The following HAS3 variants were observed in gnomAD, a reference collection of about 807,000 sequenced individuals.
HAS3 encodes hyaluronan synthase 3, also known as HA synthase 3.
HAS3 carries 27 observed loss-of-function variants against 50.3 expected under a neutral mutation model. The ratio of observed to expected loss-of-function variants is 0.54; its 90% CI spans 0.40 to 0.74. The LOEUF (loss-of-function observed/expected upper bound fraction) is 0.74. Ranked by LOEUF, HAS3 falls within the 30% of genes least tolerant of loss-of-function variation. HAS3 has a pLI of 0.00. For missense variants in HAS3, 517 were observed against 742.8 expected (o/e 0.70, Z 3.53); for synonymous variants, 339 against 310.9 (o/e 1.09, Z -0.95).
chr16:69,085,011 G>C, the HAS3 span: 1 of 152,334 alleles, frequency 6.6e-6, no homozygotes, highest in Admixed American at 6.5e-5. Flanking sequence ...AACAAATCTA[G>C]CTAGGTGTGT....
In HAS3 at chr16:69,116,559, TTC is replaced by T; in HGVS notation, c.*1295_*1296del. On this transcript the variant is annotated 3_prime_UTR_variant, in exon 4 of 4. Transcript: ENST00000569188. ...TCTCCTCAGTGGCTTCTCCAGGGAA[TTC>T]TTACAGCCAAGTTGTGACAGTCACT... The T allele has an allele frequency of 4.1e-6, 4 of 985,780 alleles. No individual in the cohort carries two copies. The South Asian group carries it at 1.9e-4, about 46-fold the overall frequency. 61.1% of individuals were successfully genotyped at this position (985,780 alleles called of 1,614,324 possible).
chr16:69,092,453 A>C, the HAS3 span, among the ~76,000 whole-genome samples: 8 of 152,170 alleles, frequency 5.3e-5, no homozygotes, highest in African/African-American at 1.9e-4. Flanking sequence ...AAATGTAAAA[A>C]TTAGCGAGGT....
chr16:69,116,714 G>C lies in HAS3; in HGVS notation c.*1448G>C, dbSNP rs8057513. On this transcript the variant is annotated 3_prime_UTR_variant, in exon 4 of 4. Coordinates refer to ENST00000569188, the MANE Select transcript of HAS3 (RefSeq NM_001199280.2). ...GCTGTTTTCCCTCTGCTGCTTTTGGGGAATGAGGGGAAGCCATTTTCCAGT... is the reference window on the plus strand; with the variant it reads ...GCTGTTTTCCCTCTGCTGCTTTTGGCGAATGAGGGGAAGCCATTTTCCAGT... The C allele has an allele frequency of 0.064, 63,286 of 985,276 alleles. 2,376 individuals are homozygous for C. Among genetic ancestry groups the C allele is most frequent in the African/African-American group, 0.15 (8,712 of 57,270 alleles). 61.0% of individuals were successfully genotyped at this position (985,276 alleles called of 1,614,324 possible).
chr16:69,094,379 A>C, the HAS3 span, among the ~76,000 whole-genome samples: 4 of 152,146 alleles, frequency 2.6e-5, no homozygotes, highest in African/African-American at 9.7e-5. Context: ...ACCACCTTCA[A>C]AACTTCAAAA....
At chr16:69,112,384 G>A (rs1961034910) in intron 2 of HAS3, among the ~76,000 whole-genome samples, 1 of 152,200 alleles carries the variant, frequency 6.6e-6, no homozygotes, top group Admixed American at 6.5e-5. Flanking sequence ...TCAGCCTGGT[G>A]CTGATGCTGT....
rs113375282 is a variant in HAS3 at position 69,108,308 on chromosome 16, T to G, written c.1-1088T>G. ...TTAGGGAAATGACTTACCTGAGACA[T>G]GAGGCAGGAATCCATTAGAACTCCC... On this transcript the variant is annotated intron_variant, in intron 1 of 3. Coordinates refer to ENST00000569188, the MANE Select transcript of HAS3 (RefSeq NM_001199280.2). Among the ~76,000 whole-genome samples, 203 of 152,186 alleles carry G rather than the reference T, an allele frequency of 1.3e-3. No individual in the cohort carries two copies. In the Middle Eastern group the frequency reaches 0.014, roughly 10 times the overall value.
chr16:69,115,316 G>C lies in HAS3; in HGVS notation c.*50G>C. The C allele has an allele frequency of 2.7e-6, 4 of 1,493,478 alleles. No homozygotes were observed. Among genetic ancestry groups the C allele is most frequent in the Non-Finnish European group, 3.6e-6 (4 of 1,125,844 alleles). The allele number at this position is 1,493,478 out of a possible 1,614,324, so 92.5% of individuals were successfully genotyped here. ...AAGTGCAATGGGTAAGGGAGGGAAGGGGAATGGAAGAGAAAAGACAGGGTG... is the reference window on the plus strand; with the variant it reads ...AAGTGCAATGGGTAAGGGAGGGAAGCGGAATGGAAGAGAAAAGACAGGGTG... On this transcript the variant is annotated 3_prime_UTR_variant, in exon 4 of 4. Transcript: ENST00000569188.
At chr16:69,101,699 G>A (rs913579299), upstream of HAS3, among the ~76,000 whole-genome samples, 6 of 152,100 alleles carry the variant, frequency 3.9e-5, no homozygotes, top group Admixed American at 1.3e-4. Context: ...AGCTCACAGA[G>A]ACCTTTCCTG....
In HAS3 at chr16:69,107,893, C is replaced by G. The variant is rs2152255179; in HGVS notation, c.1-1503C>G. Among the ~76,000 whole-genome samples the G allele has an allele frequency of 6.6e-6, 1 of 152,364 alleles. No homozygotes were observed. The highest frequency in any genetic ancestry group is 2.1e-4 in the South Asian group (1 of 4,830). Reference sequence around the variant, plus strand: ...CCCGGAGAGGCTAGGCTGCCAGCAGCTCTTTTCGGGCCAACGCTGCTGGAA... The same window carrying G: ...CCCGGAGAGGCTAGGCTGCCAGCAGGTCTTTTCGGGCCAACGCTGCTGGAA... On this transcript the variant is annotated intron_variant, in intron 1 of 3. Transcript: ENST00000569188. This position sits in a 1 kb window ranked among gnomAD's most constrained non-coding sequence, Gnocchi z 5.5.
At chr16:69,097,231 C>A in the HAS3 span, among the ~76,000 whole-genome samples, 1 of 151,860 alleles carries the variant, frequency 6.6e-6, no homozygotes, top group Non-Finnish European at 1.5e-5. Flanking sequence ...AATCCTAGCA[C>A]TTTGGGAGGC....
the HAS3 span, chr16:69,083,688 C>CA: frequency 6.5e-7 from 1 of 1,543,120 alleles, no homozygotes; most frequent in Non-Finnish European, 8.8e-7. Flanking sequence ...GTGGAGGAGG[C>CA]AGGCAGGGCC....
the HAS3 span, among the ~76,000 whole-genome samples, chr16:69,092,752 CAGG>C: frequency 6.6e-6 from 1 of 152,124 alleles, no homozygotes; most frequent in African/African-American, 2.4e-5. Flanking sequence ...CCTAGCTACT[CAGG>C]AGGTCTTGGC....
At chr16:69,117,906 A>T (rs1222424546), downstream of HAS3, 1 of 173,408 alleles carries the variant, frequency 5.8e-6, no homozygotes, top group East Asian at 1.6e-4. Flanking sequence ...GAGCAAAAGC[A>T]TTTTAGCCGA....
Position 69,115,279 on chromosome 16 carries a change from G to A in HAS3, c.*13G>A, listed in dbSNP as rs750765422. The stretch of plus-strand genomic sequence containing the variant: ...TGCTGAGGTGTGACATGGCCCCCAA[G>A]CAGAGCGGGTAAAGTGCAATGGGTA... On this transcript the variant is annotated 3_prime_UTR_variant, in exon 4 of 4. Coordinates refer to ENST00000569188, the MANE Select transcript of HAS3 (RefSeq NM_001199280.2). The A allele has an allele frequency of 1.6e-5, 24 of 1,512,462 alleles. No homozygotes were observed. The highest frequency in any genetic ancestry group is 2.3e-5 in the Admixed American group (1 of 44,420). 93.7% of individuals were successfully genotyped at this position (1,512,462 alleles called of 1,614,324 possible).
At chr16:69,085,268 C>T in the HAS3 span, 1 of 152,352 alleles carries the variant, frequency 6.6e-6, no homozygotes, top group Non-Finnish European at 1.5e-5. Flanking sequence ...GCATTAACCG[C>T]ATTCCAGTTC....
In HAS3 at chr16:69,110,021, A is replaced by T. The variant is rs1960945440; in HGVS notation, c.626A>T (p.Asp209Val). The T allele has an allele frequency of 1.2e-6, 2 of 1,605,686 alleles. No individual in the cohort carries two copies. The highest frequency in any genetic ancestry group is 2.2e-5 in the South Asian group (2 of 90,754). ...TTCAAGGCCCTCGGCGATTCGGTGG[A>T]CTACATCCAGGTAAGGGCGCCTCCC... ...TAFKALGDSV[D>V]YIQVCDSDTV... Residue 209 changes from aspartate to valine, a missense_variant, in exon 2 of 4, where the codon GAC (aspartate) becomes GTC (valine). Transcript: ENST00000569188.
chr16:69,089,341 C>T, the HAS3 span, among the ~76,000 whole-genome samples: 132 of 152,344 alleles, frequency 8.7e-4, no homozygotes, highest in African/African-American at 3.1e-3. Context: ...TCTAAAATCT[C>T]GGCCAGAATT....
chr16:69,098,828 G>T, the HAS3 span, among the ~76,000 whole-genome samples: 1 of 150,524 alleles, frequency 6.6e-6, no homozygotes, highest in Non-Finnish European at 1.5e-5. Flanking sequence ...ACCATGCCCA[G>T]CTAATTTTTT....
chr16:69,115,822 G>A lies in HAS3; in HGVS notation c.*556G>A. The A allele has an allele frequency of 6.1e-6, 6 of 985,998 alleles. No homozygotes were observed. The highest frequency in any genetic ancestry group is 7.2e-6 in the Non-Finnish European group (6 of 830,116). 61.1% of individuals were successfully genotyped at this position (985,998 alleles called of 1,614,324 possible). On this transcript the variant is annotated 3_prime_UTR_variant, in exon 4 of 4. Transcript: ENST00000569188. The stretch of plus-strand genomic sequence containing the variant: ...TTTGGGCATCAGAAAACAGGGTCCA[G>A]GAATGGTGCTTTATGTGAGATACCC...
Sources: allele counts gnomAD v4.1 joint callset (sites outside exome capture counted in the v4.1 genomes callset), GRCh38; gene constraint gnomAD v4.1.1; non-coding constraint Gnocchi (gnomAD v3.1); transcripts MANE v1.5; gene names NCBI Gene and HGNC (gene_info 2026-07-23, HGNC 2026-07-21).